Variants in ERBB4 observed in about 807,000 individuals in gnomAD.
ERBB4 encodes the protein erb-b2 receptor tyrosine kinase 4.
In ERBB4, 42 loss-of-function variants were observed where a neutral mutation model predicts 158.0. That is an observed-to-expected ratio of 0.27 (90% CI 0.21 to 0.34). The LOEUF (loss-of-function observed/expected upper bound fraction) is 0.34. Among genes scored for constraint, ERBB4 ranks in the 10% least tolerant of loss-of-function variants. ERBB4 has a pLI of 1.00. For synonymous variants in ERBB4, 583 were observed against 558.7 expected (o/e 1.04, Z -0.61); for missense variants, 1,333 against 1,624.1 (o/e 0.82, Z 3.08).
chr2:211,436,208 T>G (rs1039714061), intron 20 of ERBB4, among the ~76,000 whole-genome samples: 1 of 152,242 alleles, frequency 6.6e-6, no homozygotes, highest in African/African-American at 2.4e-5. Flanking sequence ...CAGGACATAA[T>G]GCAAGTGATT....
At chr2:211,475,581 C>T (rs2064934069) in intron 20 of ERBB4, among the ~76,000 whole-genome samples, 1 of 152,022 alleles carries the variant, frequency 6.6e-6, no homozygotes. Flanking sequence ...ACAAAAACAT[C>T]ATATACCAAC....
chr2:212,252,835 T>C (rs1193071000), intron 1 of ERBB4, among the ~76,000 whole-genome samples: 1 of 152,030 alleles, frequency 6.6e-6, no homozygotes, highest in Non-Finnish European at 1.5e-5. Flanking sequence ...TCTATTCCAA[T>C]GCAGACATAT....
At chr2:211,802,960 A>T (rs1193157682) in intron 3 of ERBB4, among the ~76,000 whole-genome samples, 1 of 152,204 alleles carries the variant, frequency 6.6e-6, no homozygotes, top group African/African-American at 2.4e-5. Context: ...AAGATTTCTA[A>T]TTACAGCTAG....
intron 1 of ERBB4, among the ~76,000 whole-genome samples, chr2:212,521,566 C>T (rs1366664981): frequency 6.6e-6 from 1 of 151,738 alleles, no homozygotes; most frequent in East Asian, 1.9e-4. Flanking sequence ...TTTAACTGCC[C>T]TAGTTCTCTC....
chr2:211,562,122 C>T, intron 19 of ERBB4, 34 bp from the exon 20 acceptor site: 2 of 1,586,548 alleles, frequency 1.3e-6, no homozygotes, highest in African/African-American at 1.3e-5. Flanking sequence ...ATGATTTCAA[C>T]TCAAATTTTC....
At chr2:211,844,147 TG>T (rs1269590361) in intron 3 of ERBB4, among the ~76,000 whole-genome samples, 4 of 148,634 alleles carry the variant, frequency 2.7e-5, no homozygotes, top group Non-Finnish European at 6.0e-5. Context: ...CTAATTTTTT[TG>T]ACTTACTAGA....
intron 1 of ERBB4, among the ~76,000 whole-genome samples, chr2:212,514,181 TAA>T (rs535684834): frequency 5.1e-5 from 7 of 138,338 alleles, no homozygotes; most frequent in Admixed American, 7.2e-5. Flanking sequence ...TGAAATTGTG[TAA>T]AAAAAAAAAA....
At chr2:211,986,999 G>C (rs1383996625) in intron 2 of ERBB4, among the ~76,000 whole-genome samples, 1 of 152,038 alleles carries the variant, frequency 6.6e-6, no homozygotes, top group Non-Finnish European at 1.5e-5. Context: ...ATTAATGTAA[G>C]ATACTAGTTC....
At chr2:211,837,589 G>T (rs1559560576) in intron 3 of ERBB4, among the ~76,000 whole-genome samples, 1 of 152,070 alleles carries the variant, frequency 6.6e-6, no homozygotes, top group Non-Finnish European at 1.5e-5. Context: ...AATCCAAGCT[G>T]CCTAGGGTTG....
At chr2:212,191,586 ATATATAACACATGTGTTATG>A (rs2082207516) in intron 1 of ERBB4, among the ~76,000 whole-genome samples, 1 of 143,580 alleles carries the variant, frequency 7.0e-6, no homozygotes, top group African/African-American at 2.7e-5. Context: ...TATGCCTGTT[ATATATAACACATGTGTTATG>A]CCTGTTATAT....
chr2:211,502,776 T>C (rs565374023), intron 20 of ERBB4, among the ~76,000 whole-genome samples: 1 of 152,316 alleles, frequency 6.6e-6, no homozygotes, highest in African/African-American at 2.4e-5. Context: ...TATAAATGCC[T>C]TGTGTAAAAC....
At chr2:212,140,039 T>C (rs911527541) in intron 1 of ERBB4, among the ~76,000 whole-genome samples, 5 of 151,854 alleles carry the variant, frequency 3.3e-5, no homozygotes, top group Non-Finnish European at 5.9e-5. Flanking sequence ...CAGATGCATT[T>C]ACCACCTGAT....
intron 1 of ERBB4, among the ~76,000 whole-genome samples, chr2:212,262,694 A>G (rs973330011): frequency 6.6e-5 from 10 of 152,152 alleles, no homozygotes; most frequent in African/African-American, 1.2e-4. Context: ...TTACAGCCAT[A>G]TAAGGGTATC....
intron 3 of ERBB4, among the ~76,000 whole-genome samples, chr2:211,871,851 A>C (rs1170422392): frequency 6.6e-6 from 1 of 152,142 alleles, no homozygotes; most frequent in Non-Finnish European, 1.5e-5. Context: ...ATATGGATTC[A>C]AGAGACTATA....
At chr2:211,709,256 T>TAC (rs1553615178) in intron 9 of ERBB4, among the ~76,000 whole-genome samples, 1,383 of 71,116 alleles carry the variant, frequency 0.019, 28 homozygotes, top group African/African-American at 0.084. Flanking sequence ...TATATACACA[T>TAC]ATATATATAT....
At chr2:212,217,794 C>T (rs565461338) in intron 1 of ERBB4, among the ~76,000 whole-genome samples, 3 of 151,020 alleles carry the variant, frequency 2.0e-5, no homozygotes, top group Non-Finnish European at 4.4e-5. Context: ...ATTAAGCTTC[C>T]GTATATTAAT....
intron 2 of ERBB4, among the ~76,000 whole-genome samples, chr2:211,953,011 C>T (rs2080918865): frequency 6.6e-6 from 1 of 151,950 alleles, no homozygotes; most frequent in Non-Finnish European, 1.5e-5. Context: ...GTTCCTTATA[C>T]TTTATGTGTG....
chr2:211,816,540 CAAAAAAA>C (rs34323414), intron 3 of ERBB4, among the ~76,000 whole-genome samples: 1 of 65,894 alleles, frequency 1.5e-5, no homozygotes, highest in South Asian at 6.1e-4. Context: ...GAGCCCGTCT[CAAAAAAA>C]AAAAAAAAAA....
At chr2:212,185,811 C>T (rs942454637) in intron 1 of ERBB4, among the ~76,000 whole-genome samples, 2 of 152,146 alleles carry the variant, frequency 1.3e-5, no homozygotes, top group African/African-American at 2.4e-5. Flanking sequence ...GTTTAATTTA[C>T]AAATTACAAG....
Sources: gnomAD v4.1 joint callset for allele counts (sites outside exome capture counted in the v4.1 genomes callset) on GRCh38, gnomAD v4.1.1 for gene constraint, MANE v1.5 for transcripts, NCBI Gene and HGNC (gene_info 2026-07-23, HGNC 2026-07-21) for gene names.